Variants in PIK3C2B observed in about 807,000 individuals in gnomAD.
PIK3C2B encodes phosphatidylinositol-4-phosphate 3-kinase catalytic subunit type 2 beta, also known as phosphatidylinositol 4-phosphate 3-kinase C2 domain-containing subunit beta.
Under a neutral mutation model 184.3 loss-of-function variants are expected in PIK3C2B, and 83 were observed. That is an observed-to-expected ratio of 0.45 (90% CI 0.38 to 0.54). PIK3C2B has a LOEUF of 0.54. PIK3C2B is among the 20% of genes least tolerant of loss of function. The pLI is 0.00. For synonymous variants in PIK3C2B, 779 were observed against 837.6 expected (o/e 0.93, Z 1.21); for missense variants, 1,736 against 2,113.5 (o/e 0.82, Z 3.50).
intron 19 of PIK3C2B, among the ~76,000 whole-genome samples, chr1:204,442,861 C>A (rs757922483): frequency 6.6e-6 from 1 of 152,230 alleles, no homozygotes; most frequent in Non-Finnish European, 1.5e-5. Context: ...GATGGCAGAA[C>A]AGCATGAAGC....
chr1:204,463,835 T>C (rs1186699038), intron 5 of PIK3C2B, among the ~76,000 whole-genome samples, 177 bp downstream of exon 5: 2 of 152,190 alleles, frequency 1.3e-5, no homozygotes, highest in Non-Finnish European at 2.9e-5. Context: ...CCAACCCTGC[T>C]GGAAGACAGA....
At chr1:204,474,637 T>C (rs1221957332) in intron 1 of PIK3C2B, among the ~76,000 whole-genome samples, 1 of 152,148 alleles carries the variant, frequency 6.6e-6, no homozygotes, top group African/African-American at 2.4e-5. Flanking sequence ...CCCTGAAATG[T>C]TGGTGTTGGC....
chr1:204,466,977 C>G (rs772541591), intron 2 of PIK3C2B: 11 of 519,554 alleles, frequency 2.1e-5, no homozygotes, highest in Non-Finnish European at 4.3e-5. Flanking sequence ...CCCAAGGGGT[C>G]CCCCCTCCCA....
chr1:204,469,729 G>A lies in PIK3C2B; in HGVS notation c.74C>T (p.Ala25Val), dbSNP rs772608325. ...CTCCATCTGCAGGGCTTCGGCCATC[G>A]CTAGCTCTTTGCGGCTGATGCCCAC... ...ESVGISRKEL[A>V]MAEALQMEYD... is the part of the protein sequence containing the mutation. Residue 25 changes from alanine to valine, a missense_variant, in exon 2 of 33, where the codon GCG (alanine) becomes GTG (valine). Around this residue, in one of 8 missense-constraint regions of PIK3C2B, gnomAD observed 404 missense variants for 418.0 expected, o/e 0.97. Transcript: ENST00000684373. The A allele has an allele frequency of 9.3e-6, 15 of 1,613,716 alleles. No homozygotes were observed. The highest frequency in any genetic ancestry group is 4.0e-5 in the African/African-American group (3 of 74,850).
intron 8 of PIK3C2B, among the ~76,000 whole-genome samples, chr1:204,458,562 C>T (rs1420833692): frequency 4.0e-5 from 6 of 150,668 alleles, no homozygotes; most frequent in African/African-American, 1.2e-4. Context: ...GGCGCGATCT[C>T]GGCTCACTGC....
intron 1 of PIK3C2B, among the ~76,000 whole-genome samples, chr1:204,472,251 C>A (rs1189763394): frequency 2.0e-5 from 3 of 151,462 alleles, no homozygotes; most frequent in Admixed American, 2.0e-4. Flanking sequence ...GCAAGCTCCA[C>A]CTCCCAGGTT....
At chr1:204,491,956 T>G (rs1303705497) in intron 1 of PIK3C2B, among the ~76,000 whole-genome samples, 1 of 152,214 alleles carries the variant, frequency 6.6e-6, no homozygotes, top group Non-Finnish European at 1.5e-5. Flanking sequence ...TCTCTCCCAG[T>G]TCCCATCCTG....
At chr1:204,490,935 G>C (rs994474293) in intron 1 of PIK3C2B, among the ~76,000 whole-genome samples, 3 of 152,144 alleles carry the variant, frequency 2.0e-5, no homozygotes, top group African/African-American at 7.2e-5. Context: ...AATATGACTT[G>C]ATCAGATTAT....
At chr1:204,468,219 C>T (rs1306807345) in intron 2 of PIK3C2B, among the ~76,000 whole-genome samples, 1 of 151,908 alleles carries the variant, frequency 6.6e-6, no homozygotes, top group African/African-American at 2.4e-5. Flanking sequence ...GCGAATTTTA[C>T]GTTACGTATA....
chr1:204,444,634 A>G (rs997488264), intron 16 of PIK3C2B, among the ~76,000 whole-genome samples: 1 of 152,182 alleles, frequency 6.6e-6, no homozygotes, highest in African/African-American at 2.4e-5. Flanking sequence ...GTCTGCCTTG[A>G]GCCATGGGGG....
rs1441080106 is a variant in PIK3C2B, at chr1:204,423,709, G to A, written c.*1143C>T. 1.3e-5 allele frequency: 2 copies of A among 152,622 alleles called. No homozygotes were observed. Among genetic ancestry groups the A allele is most frequent in the African/African-American group, 4.8e-5 (2 of 41,432 alleles). 9.5% of individuals were successfully genotyped at this position (152,622 alleles called of 1,614,324 possible). A position where few individuals can be genotyped will look rare whatever the true frequency, so the allele number is the denominator to read the frequency against. ...ATAGGTTTATGGCCCCACAGAATGA[G>A]GAAAAGTCTTATAAAAAGGGTGACA... On this transcript the variant is annotated 3_prime_UTR_variant, in exon 33 of 33. Coordinates refer to ENST00000684373, the MANE Select transcript of PIK3C2B (RefSeq NM_001377334.1).
At chr1:204,461,257 G>T (rs1306702463) in intron 5 of PIK3C2B, among the ~76,000 whole-genome samples, 1 of 152,200 alleles carries the variant, frequency 6.6e-6, no homozygotes. Context: ...AAATTTCTAT[G>T]ACTTCTTGAA....
In PIK3C2B at chr1:204,426,687, C is replaced by T. The variant is rs562664812; in HGVS notation, c.4588-946G>A. Among the ~76,000 whole-genome samples the T allele has an allele frequency of 3.4e-4, 52 of 152,184 alleles. 1 individual carries two copies. The highest frequency in any genetic ancestry group is 2.0e-4 in the Admixed American group (3 of 15,280). On this transcript the variant is annotated intron_variant, in intron 31 of 32. Transcript: ENST00000684373. ...GCAGGGATTTTGTTTTGTTTTCCCC[C>T]ATACCCAGAGCTAATGTATCAGTAT...
intron 3 of PIK3C2B, 52 bp downstream of exon 3, chr1:204,465,167 C>A: frequency 1.3e-6 from 1 of 760,392 alleles, no homozygotes; most frequent in South Asian, 1.4e-5. Context: ...GATGGCCCCC[C>A]TCCCCATCCC....
intron 29 of PIK3C2B, among the ~76,000 whole-genome samples, chr1:204,429,255 C>T (rs1053862766): frequency 6.7e-6 from 1 of 149,826 alleles, no homozygotes; most frequent in Non-Finnish European, 1.5e-5. Context: ...TGTGAAAATA[C>T]TCACTTGAAC....
chr1:204,445,915 A>G, intron 16 of PIK3C2B, 41 bp downstream of exon 16: 1 of 1,402,000 alleles, frequency 7.1e-7, no homozygotes, highest in East Asian at 2.5e-5. Flanking sequence ...CCTGGCTTCT[A>G]CAAGAACACA....
chr1:204,485,651 G>A (rs923466002), intron 1 of PIK3C2B, among the ~76,000 whole-genome samples: 3 of 149,948 alleles, frequency 2.0e-5, no homozygotes, highest in Non-Finnish European at 4.4e-5. Flanking sequence ...TTGGCTCACT[G>A]CAACTTCCAC....
At chr1:204,454,873 TC>T in intron 11 of PIK3C2B, 82 bp from the exon 12 acceptor site, 1 of 1,474,512 alleles carries the variant, frequency 6.8e-7, no homozygotes, top group South Asian at 1.3e-5. Flanking sequence ...AAGGCCAAAA[TC>T]CATTTCCCCT....
At chr1:204,482,988 T>C (rs1657297072) in intron 1 of PIK3C2B, among the ~76,000 whole-genome samples, 1 of 152,090 alleles carries the variant, frequency 6.6e-6, no homozygotes, top group Non-Finnish European at 1.5e-5. Context: ...CCTGCTCACC[T>C]GCACGTACAG....
Sources: allele counts gnomAD v4.1 joint callset (sites outside exome capture counted in the v4.1 genomes callset), GRCh38; gene constraint gnomAD v4.1.1; regional missense constraint gnomAD v4.1.1; transcripts MANE v1.5; gene names NCBI Gene and HGNC (gene_info 2026-07-23, HGNC 2026-07-21).